RBFOX1: variants seen among roughly 807,000 people sequenced by gnomAD.
The protein encoded by RBFOX1 is RNA binding protein fox-1 homolog 1.
RBFOX1 carries 8 observed loss-of-function variants against 57.7 expected under a neutral mutation model. The ratio of observed to expected loss-of-function variants is 0.14; its 90% CI spans 0.08 to 0.25. The LOEUF is 0.25. Ranked by LOEUF, RBFOX1 falls within the 10% of genes least tolerant of loss-of-function variation. RBFOX1 has a pLI of 1.00. For synonymous variants in RBFOX1, 326 were observed against 222.4 expected (o/e 1.47, Z -4.15); for missense variants, 611 against 548.5 (o/e 1.11, Z -1.14).
intron 3 of RBFOX1, among the ~76,000 whole-genome samples, chr16:5,737,459 G>C (rs8047575): frequency 0.56 from 84,853 of 151,562 alleles, 26,526 homozygotes; most frequent in African/African-American, 0.86. Context: ...ACACTGCAGC[G>C]TGGGCAACAG....
At chr16:6,719,527 A>G (rs764558550) in intron 3 of RBFOX1, among the ~76,000 whole-genome samples, 8 of 149,118 alleles carry the variant, frequency 5.4e-5, no homozygotes, top group Non-Finnish European at 7.4e-5. Flanking sequence ...TGTTAGCTCC[A>G]CCTCCTGGGT....
At chr16:7,476,753 C>T (rs979706019) in intron 4 of RBFOX1, among the ~76,000 whole-genome samples, 19 of 152,094 alleles carry the variant, frequency 1.2e-4, no homozygotes, top group Admixed American at 3.3e-4. Context: ...ATCTGTACCA[C>T]GAGACAAGGG....
intron 6 of RBFOX1, among the ~76,000 whole-genome samples, chr16:7,583,136 C>T (rs1000007711): frequency 7.0e-6 from 1 of 143,846 alleles, no homozygotes; most frequent in African/African-American, 2.6e-5. Flanking sequence ...GGCATTAAAT[C>T]TTCTAGCTCA....
rs61275618 is a variant in RBFOX1, at chr16:6,898,900, C to CT, written c.-15-153157_-15-153156insT. On this transcript the variant is annotated intron_variant, in intron 3 of 15. Transcript: ENST00000550418. The stretch of plus-strand genomic sequence containing the variant: ...ACGTGTATAATACGTGTGTGCATCT[C>CT]GTATGTGTTTGTGCATATGTGTATA... Among the ~76,000 whole-genome samples the CT allele has an allele frequency of 4.8e-4, 68 of 142,808 alleles. 3 individuals carry two copies. The highest frequency in any genetic ancestry group is 1.1e-3 in the African/African-American group (39 of 34,080). The allele number at this position is 142,808 out of a possible 152,430, so 93.7% of individuals were successfully genotyped here. A position where few individuals can be genotyped will look rare whatever the true frequency, so the allele number is the denominator to read the frequency against.
chr16:6,034,061 G>A (rs1272687654), intron 1 of RBFOX1, among the ~76,000 whole-genome samples: 6 of 152,062 alleles, frequency 3.9e-5, no homozygotes, highest in Non-Finnish European at 2.9e-5. Flanking sequence ...TTGGCCAGGC[G>A]CGGTGGCTCA....
chr16:6,517,716 C>T (rs12919303), intron 2 of RBFOX1, among the ~76,000 whole-genome samples: 47,221 of 152,058 alleles, frequency 0.31, 7,780 homozygotes, highest in African/African-American at 0.42. Flanking sequence ...CTGTCTTGCA[C>T]GATGGTTTCA....
rs757668514 is a variant in RBFOX1 at position 5,558,462 on chromosome 16, C to A, written c.259-40440C>A. On this transcript the variant is annotated intron_variant, in intron 2 of 2. Transcript: ENST00000585867. ...AGCGAGCCACAGCCCTGTCACACATCCTGCCAGGGGGATATGGGAACTCTC... is the reference window on the plus strand; with the variant it reads ...AGCGAGCCACAGCCCTGTCACACATACTGCCAGGGGGATATGGGAACTCTC... Among the ~76,000 whole-genome samples the A allele has an allele frequency of 1.1e-3, 174 of 152,210 alleles. 3 individuals carry two copies. The highest frequency in any genetic ancestry group is 1.2e-3 in the Non-Finnish European group (82 of 68,012).
chr16:6,872,924 C>T (rs973458616), intron 3 of RBFOX1, among the ~76,000 whole-genome samples: 1 of 152,160 alleles, frequency 6.6e-6, no homozygotes, highest in African/African-American at 2.4e-5. Flanking sequence ...TCAGTAACCT[C>T]CCTGACACTT....
chr16:6,927,893 C>G (rs1367857483), intron 3 of RBFOX1, among the ~76,000 whole-genome samples: 1 of 152,204 alleles, frequency 6.6e-6, no homozygotes, highest in Non-Finnish European at 1.5e-5. Context: ...ATAGCATACG[C>G]TAAACATCAT....
intron 4 of RBFOX1, among the ~76,000 whole-genome samples, chr16:7,491,277 A>G: frequency 6.6e-6 from 1 of 151,698 alleles, no homozygotes; most frequent in Admixed American, 6.6e-5. Context: ...ACTTTGGTTG[A>G]CTGTAAATCT....
intron 4 of RBFOX1, among the ~76,000 whole-genome samples, chr16:6,013,124 T>C (rs760207726): frequency 6.6e-6 from 1 of 152,210 alleles, no homozygotes; most frequent in Non-Finnish European, 1.5e-5. Context: ...TTTTTAAAAA[T>C]CTTGTTTAGC....
intron 1 of RBFOX1, among the ~76,000 whole-genome samples, chr16:6,310,033 G>C (rs1241945748): frequency 6.6e-6 from 1 of 152,084 alleles, no homozygotes; most frequent in Non-Finnish European, 1.5e-5. Context: ...GAATATAGGT[G>C]CCTGCCACCA....
intron 1 of RBFOX1, among the ~76,000 whole-genome samples, chr16:5,394,472 G>C (rs2066495174): frequency 6.6e-6 from 1 of 151,448 alleles, no homozygotes; most frequent in Non-Finnish European, 1.5e-5. Context: ...CTTCGCTTTT[G>C]GACTTGACCC....
intron 1 of RBFOX1, among the ~76,000 whole-genome samples, chr16:5,352,501 A>G (rs546923074): frequency 6.6e-6 from 1 of 152,170 alleles, no homozygotes; most frequent in Non-Finnish European, 1.5e-5. Context: ...CTTTATGCAC[A>G]CAGGCTCACA....
chr16:6,817,303 A>C (rs1224740123), intron 3 of RBFOX1, among the ~76,000 whole-genome samples: 6 of 152,066 alleles, frequency 3.9e-5, no homozygotes, highest in Non-Finnish European at 5.9e-5. Flanking sequence ...AACACATTTA[A>C]CCAAAGCCCC....
At chr16:7,067,017 T>C (rs9941056) in intron 4 of RBFOX1, among the ~76,000 whole-genome samples, 102,469 of 152,040 alleles carry the variant, frequency 0.67, 35,006 homozygotes, top group South Asian at 0.74. Context: ...TAACAGATTA[T>C]GCACACAGAG....
chr16:6,487,125 T>G (rs1339338903), intron 2 of RBFOX1, among the ~76,000 whole-genome samples: 1 of 149,466 alleles, frequency 6.7e-6, no homozygotes, highest in Non-Finnish European at 1.5e-5. Flanking sequence ...TTGTGGGGTT[T>G]CAGTAAGTTG....
At chr16:6,647,618 C>G (rs746595665) in intron 2 of RBFOX1, among the ~76,000 whole-genome samples, 6 of 152,150 alleles carry the variant, frequency 3.9e-5, no homozygotes, top group Non-Finnish European at 8.8e-5. Flanking sequence ...CAAATACAGC[C>G]ACACTGAGGG....
intron 3 of RBFOX1, among the ~76,000 whole-genome samples, chr16:6,881,371 C>G (rs375559285): frequency 2.6e-5 from 4 of 152,164 alleles, no homozygotes; most frequent in African/African-American, 7.2e-5. Context: ...CAAACAGTTA[C>G]TCTCACAGTT....
Sources: allele counts gnomAD v4.1 joint callset (sites outside exome capture counted in the v4.1 genomes callset), GRCh38; gene constraint gnomAD v4.1.1; transcripts MANE v1.5; gene names NCBI Gene and HGNC (gene_info 2026-07-23, HGNC 2026-07-21).